Variants in DTHD1 observed in about 807,000 individuals in gnomAD.
DTHD1 encodes the protein death domain-containing protein 1.
In DTHD1, 59 loss-of-function variants were observed where a neutral mutation model predicts 74.8. That is an observed-to-expected ratio of 0.79 (90% CI 0.64 to 0.98). The LOEUF (loss-of-function observed/expected upper bound fraction) is 0.98. Among genes scored for constraint, DTHD1 ranks in the 50% least tolerant of loss-of-function variants. DTHD1 has a pLI of 0.00. For synonymous variants in DTHD1, 365 were observed against 371.1 expected (o/e 0.98, Z 0.19); for missense variants, 1,051 against 1,065.4 (o/e 0.99, Z 0.19).
At chr4:36,305,896 C>T (rs1296103444) in intron 5 of DTHD1, among the ~76,000 whole-genome samples, 1 of 152,232 alleles carries the variant, frequency 6.6e-6, no homozygotes, top group Non-Finnish European at 1.5e-5. Context: ...AGCATTTTCA[C>T]TTTGCAAGCT....
intron 2 of DTHD1, among the ~76,000 whole-genome samples, chr4:36,285,973 T>C (rs1479667696): frequency 6.6e-6 from 1 of 152,230 alleles, no homozygotes; most frequent in Non-Finnish European, 1.5e-5. Context: ...GATGTACTGA[T>C]GCTCTTTCAG....
intron 5 of DTHD1, among the ~76,000 whole-genome samples, chr4:36,299,456 T>C (rs1756632097): frequency 1.3e-5 from 2 of 152,220 alleles, no homozygotes; most frequent in African/African-American, 4.8e-5. Context: ...ATCTTTTCTT[T>C]GCACTTGGTG....
intron 8 of DTHD1, among the ~76,000 whole-genome samples, chr4:36,327,226 C>G (rs1042669482): frequency 6.6e-6 from 1 of 152,154 alleles, no homozygotes; most frequent in Non-Finnish European, 1.5e-5. Flanking sequence ...CTTGGCCTCC[C>G]AAAATGCGGG....
chr4:36,288,545 A>G (rs1755855636), intron 2 of DTHD1, among the ~76,000 whole-genome samples: 1 of 152,106 alleles, frequency 6.6e-6, no homozygotes, highest in Non-Finnish European at 1.5e-5. Context: ...TTATCCCAGC[A>G]CCATTTGTTG....
chr4:36,298,172 G>A (rs1756555170), intron 5 of DTHD1, among the ~76,000 whole-genome samples: 1 of 151,856 alleles, frequency 6.6e-6, no homozygotes, highest in South Asian at 2.1e-4. Context: ...GATATCCTAA[G>A]CTCTCTAGGA....
rs922871947 is a variant in DTHD1 at position 36,302,319 on chromosome 4, GT to G, written c.1644-3865del. 2.8e-4 allele frequency among the ~76,000 whole-genome samples: 42 copies of G among 152,090 alleles called. 1 individual carries two copies. The highest frequency in any genetic ancestry group is 2.0e-4 in the Admixed American group (3 of 15,266). ...CTGAGGACTACTTAGATTATGTAGG[GT>G]TTTTTTCTCTGTACAATACTTGTAA... On this transcript the variant is annotated intron_variant, in intron 5 of 9. Coordinates refer to ENST00000639862, the MANE Select transcript of DTHD1 (RefSeq NM_001170700.3).
chr4:36,314,747 GTTT>G (rs747523259), intron 7 of DTHD1, among the ~76,000 whole-genome samples: 7,637 of 97,882 alleles, frequency 0.078, 211 homozygotes, highest in African/African-American at 0.16. Flanking sequence ...AACAATCTGA[GTTT>G]TTTTTTTTTT....
chr4:36,308,518 A>G, intron 7 of DTHD1, 25 bp downstream of exon 7: 3 of 1,518,908 alleles, frequency 2.0e-6, no homozygotes, highest in South Asian at 1.2e-5. Flanking sequence ...ATCTTTTTAT[A>G]TATTTTATTG....
In DTHD1 at chr4:36,308,249, G is replaced by C; in HGVS notation, c.1851G>C (p.Leu617Phe). ...CTTCCACCATGGACAATAGTCATTT[G>C]GTTACTTTTGTGAAATCTTTAGAGG... ...HLSSTMDNSH[L>F]VTFVKSLEEA... Residue 617 changes from leucine (L) to phenylalanine (F), a missense_variant, in exon 7 of 10, where the codon TTG (leucine) becomes TTC (phenylalanine). Physicochemically the swap from Leu to Phe is conservative, Grantham distance 22 (BLOSUM62 0). Coordinates refer to ENST00000639862, the MANE Select transcript of DTHD1 (RefSeq NM_001170700.3). 2 of 1,552,250 alleles carry C rather than the reference G, an allele frequency of 1.3e-6. No homozygotes were observed. The highest frequency in any genetic ancestry group is 1.7e-6 in the Non-Finnish European group (2 of 1,147,112).
chr4:36,322,632 A>G (rs2109536593), intron 8 of DTHD1, among the ~76,000 whole-genome samples: 1 of 152,276 alleles, frequency 6.6e-6, no homozygotes. Flanking sequence ...TGTGAGGGCC[A>G]CAGAAAGATG....
rs74672235 is a variant in DTHD1, at chr4:36,322,145, G to A, written c.2340+5659G>A. Among the ~76,000 whole-genome samples, 1,402 of 151,194 alleles carry A rather than the reference G, an allele frequency of 9.3e-3. 12 individuals are homozygous for A. The highest frequency in any genetic ancestry group is 0.031 in the African/African-American group (1,287 of 41,346). ...TTTTTTCCCTCTAAGTCATTTCTCC[G>A]TTTTTACATGTGTTTCTTCATTTGT... On this transcript the variant is annotated intron_variant, in intron 8 of 9. Transcript: ENST00000639862.
At position 36,324,273 on chromosome 4, in the gene DTHD1, G is replaced by A. The variant is rs76767204; in HGVS notation, c.2340+7787G>A. Reference sequence around the variant, plus strand: ...TTCTCCTTCTCTGGCCCCTCTCAACGCCTCCCTCCTCCTTCCTCCTTCAAC... The same window carrying A: ...TTCTCCTTCTCTGGCCCCTCTCAACACCTCCCTCCTCCTTCCTCCTTCAAC... On this transcript the variant is annotated intron_variant, in intron 8 of 9. Transcript: ENST00000639862. Among the ~76,000 whole-genome samples the A allele has an allele frequency of 3.4e-3, 510 of 149,550 alleles. 3 individuals are homozygous for A. The highest frequency in any genetic ancestry group is 5.6e-3 in the Non-Finnish European group (378 of 67,614).
intron 8 of DTHD1, chr4:36,332,770 G>A (rs1271406222): frequency 6.6e-6 from 1 of 152,130 alleles, no homozygotes; most frequent in Non-Finnish European, 1.5e-5. Flanking sequence ...ATCTATCACA[G>A]AGGAAAACAG....
chr4:36,284,363 A>G lies in DTHD1; in HGVS notation c.659A>G (p.Asp220Gly), dbSNP rs1755577915. The stretch of plus-strand genomic sequence containing the variant: ...TTCCCAGATAATGCAGAAAATGAAG[A>G]TGATAAACAAATAGAACACATGACT... ...KMFPDNAENE[D>G]DKQIEHMTVE... Residue 220 changes from aspartate (D) to glycine (G), a missense_variant, in exon 2 of 10, where the codon GAT (aspartate) becomes GGT (glycine). Coordinates refer to ENST00000639862, the MANE Select transcript of DTHD1 (RefSeq NM_001170700.3). 2.6e-6 allele frequency: 4 copies of G among 1,537,226 alleles called. No homozygotes were observed. The highest frequency in any genetic ancestry group is 3.5e-6 in the Non-Finnish European group (4 of 1,146,864).
intron 3 of DTHD1, among the ~76,000 whole-genome samples, chr4:36,291,719 T>G (rs1756091674): frequency 6.6e-6 from 1 of 152,116 alleles, no homozygotes; most frequent in Admixed American, 6.5e-5. Context: ...TCCCAGCTAC[T>G]GGGGAGGCTG....
intron 9 of DTHD1, among the ~76,000 whole-genome samples, chr4:36,341,652 C>G (rs184481145): frequency 3.9e-4 from 59 of 152,222 alleles, no homozygotes; most frequent in Non-Finnish European, 7.1e-4. Context: ...TTTTCCTAAC[C>G]TCAGGCAGCC....
At chr4:36,317,882 G>T (rs1044804411) in intron 8 of DTHD1, among the ~76,000 whole-genome samples, 1 of 152,204 alleles carries the variant, frequency 6.6e-6, no homozygotes, top group African/African-American at 2.4e-5. Flanking sequence ...TCTGAGCTTT[G>T]TAAGTTGGTG....
intron 7 of DTHD1, among the ~76,000 whole-genome samples, chr4:36,310,790 A>T (rs1428361820): frequency 6.6e-6 from 1 of 152,176 alleles, no homozygotes; most frequent in Non-Finnish European, 1.5e-5. Context: ...TGTCACATAC[A>T]GGATCTCAGC....
In DTHD1 at chr4:36,347,423, T is replaced by C. The variant is rs1759642591; in HGVS notation, c.*3599T>C. Among the ~76,000 whole-genome samples the C allele has an allele frequency of 1.3e-5, 2 of 152,280 alleles. No homozygotes were observed. The highest frequency in any genetic ancestry group is 1.9e-4 in the East Asian group (1 of 5,190). On this transcript the variant is annotated 3_prime_UTR_variant, in exon 10 of 10. Transcript: ENST00000639862. ...TATCAATTAGACTGTAGTCCCAATA[T>C]ATACCTAAGAGCAAAGTGATAGTTT...
Sources: allele counts gnomAD v4.1 joint callset (sites outside exome capture counted in the v4.1 genomes callset), GRCh38; gene constraint gnomAD v4.1.1; transcripts MANE v1.5; gene names NCBI Gene and HGNC (gene_info 2026-07-23, HGNC 2026-07-21).